USP54: variants seen among roughly 807,000 people sequenced by gnomAD.
The protein encoded by USP54 is ubiquitin specific peptidase 54.
A neutral mutation model predicts 170.5 loss-of-function variants in USP54; 87 were observed. That is an observed-to-expected ratio of 0.51 (90% CI 0.43 to 0.61). The LOEUF is 0.61. USP54 is among the 20% of genes least tolerant of loss of function. The pLI, the probability that USP54 is intolerant of heterozygous loss-of-function variation, is 0.00. For missense variants in USP54, 1,786 were observed against 2,047.8 expected, an observed-to-expected ratio of 0.87 and a Z score of 2.47; for synonymous variants, 655 against 742.8, an observed-to-expected ratio of 0.88 and a Z score of 1.92.
At chr10:73,597,803 G>A (rs889760026) in intron 1 of USP54, among the ~76,000 whole-genome samples, 1 of 152,140 alleles carries the variant, frequency 6.6e-6, no homozygotes, top group Admixed American at 6.5e-5. Context: ...TGGAAAAGGC[G>A]GCCAGGTGTG....
rs761491561 is a variant in USP54 at position 73,523,709 on chromosome 10, C to T, written c.2236G>A (p.Glu746Lys). ...SSKSELDELQ[E>K]EVARRAQEQE... ...TCCTGCGCCCTCCTGGCCACCTCTT[C>T]CTGCAATTCATCCAGTTCACTTTTA... The change falls in exon 17 of 24, where the codon GAA becomes AAA. Residue 746 changes from glutamate to lysine, a missense_variant. Physicochemically the swap from Glu to Lys is moderately conservative, Grantham distance 56. Transcript: ENST00000687698. The T allele has an allele frequency of 1.1e-5, 18 of 1,613,782 alleles. No individual in the cohort carries two copies. Among genetic ancestry groups the T allele is most frequent in the Non-Finnish European group, 1.4e-5 (16 of 1,179,834 alleles).
At chr10:73,532,308 G>A (rs998711263) in intron 12 of USP54, among the ~76,000 whole-genome samples, 1 of 152,162 alleles carries the variant, frequency 6.6e-6, no homozygotes, top group Non-Finnish European at 1.5e-5. Flanking sequence ...GAGTAGCTGG[G>A]ACTACAGACG....
At chr10:73,536,893 C>G (rs374371481) in intron 10 of USP54, among the ~76,000 whole-genome samples, 2 of 152,232 alleles carry the variant, frequency 1.3e-5, no homozygotes, top group East Asian at 3.8e-4. Context: ...AACTCTTTCA[C>G]AGACTGCCTT....
chr10:73,549,907 T>A (rs746820584), intron 4 of USP54, among the ~76,000 whole-genome samples: 2 of 152,180 alleles, frequency 1.3e-5, no homozygotes, highest in Non-Finnish European at 1.5e-5. Context: ...TAATCTGGCC[T>A]ACGATTCCAC....
rs764168573 is a variant in USP54 at position 73,517,446 on chromosome 10, C to T, written c.2980G>A (p.Ala994Thr). 4.0e-5 allele frequency: 65 copies of T among 1,614,098 alleles called. No individual in the cohort carries two copies. The highest frequency in any genetic ancestry group is 1.0e-4 in the Admixed American group (6 of 60,002). The change falls in exon 20 of 24, where the codon GCC becomes ACC. Residue 994 changes from alanine to threonine, a missense_variant. Around this residue, in one of 3 missense-constraint regions of USP54, gnomAD observed 1,418 missense variants for 1,569.0 expected, o/e 0.90. Transcript: ENST00000687698. ...GAGCCTTGCAGCTTACCCTCTGGGG[C>T]ATCCAATGGCTCCCAACTATGATGA... ...NSHHSWEPLD[A>T]PEGKLQGSRC...
In USP54 at chr10:73,545,661, G is replaced by A. The variant is rs769248647; in HGVS notation, c.252C>T (p.Asn84=). The change falls in exon 5 of 24, where the codon AAC becomes AAT. Residue 84 remains asparagine, a synonymous_variant. Transcript: ENST00000687698. ...CIFCALKGIF[N]QFQCSSEKVL... ...CTTTTTCACTACTACACTGAAACTG[G>A]TTAAAGATTCCCTATAGGGAAGAGG... 4.3e-6 allele frequency: 7 copies of A among 1,614,118 alleles called. No individual in the cohort carries two copies. Among genetic ancestry groups the A allele is most frequent in the Non-Finnish European group, 5.9e-6 (7 of 1,179,962 alleles).
At position 73,542,803 on chromosome 10, in the gene USP54, C is replaced by A. The variant is rs1442080178; in HGVS notation, c.572G>T (p.Cys191Phe). 1.3e-5 allele frequency: 21 copies of A among 1,613,492 alleles called. No individual in the cohort carries two copies. The highest frequency in any genetic ancestry group is 1.7e-5 in the Non-Finnish European group (20 of 1,179,928). Reference protein sequence around the residue: ...MVHYISTTSLCNQAICMLERR... With the variant: ...MVHYISTTSLFNQAICMLERR... ...CAACAGAAAATCTTGTAAGACTCAC[C>A]AAAGGGAAGTGGTGGAGATATAATG... Residue 191 changes from cysteine (C) to phenylalanine (F), a missense_variant and splice_region_variant, in exon 7 of 24, where the codon TGC becomes TTC. Around this residue, in one of 3 missense-constraint regions of USP54, gnomAD observed 361 missense variants for 455.0 expected, o/e 0.79. Transcript: ENST00000687698.
intron 4 of USP54, among the ~76,000 whole-genome samples, chr10:73,552,529 G>A (rs758596358): frequency 8.5e-5 from 13 of 152,152 alleles, no homozygotes; most frequent in Non-Finnish European, 1.3e-4. Flanking sequence ...GGTGGCCCAC[G>A]CCTGTGATCC....
At chr10:73,511,365 A>C (rs1323638380) in intron 20 of USP54, among the ~76,000 whole-genome samples, 2 of 151,952 alleles carry the variant, frequency 1.3e-5, no homozygotes, top group Non-Finnish European at 2.9e-5. Context: ...CATTTTTTGA[A>C]AAACTAATTT....
intron 20 of USP54, chr10:73,513,568 G>A (rs950692902): frequency 6.6e-6 from 1 of 152,068 alleles, no homozygotes; most frequent in Non-Finnish European, 1.5e-5. Context: ...AACCATTAAA[G>A]GTAGTTTTTA....
At chr10:73,569,277 C>T (rs2074513486) in intron 4 of USP54, among the ~76,000 whole-genome samples, 1 of 152,098 alleles carries the variant, frequency 6.6e-6, no homozygotes, top group African/African-American at 2.4e-5. Flanking sequence ...TCTGGACTTA[C>T]CATGGGACTA....
intron 4 of USP54, among the ~76,000 whole-genome samples, chr10:73,556,159 A>G (rs769195438): frequency 1.3e-5 from 2 of 152,104 alleles, no homozygotes; most frequent in Non-Finnish European, 2.9e-5. Context: ...GTTTATTACC[A>G]GCTAAAATTT....
At chr10:73,506,849 A>G (rs2059214238) in intron 20 of USP54, 1 of 152,158 alleles carries the variant, frequency 6.6e-6, no homozygotes, top group Admixed American at 6.5e-5. Flanking sequence ...TAAAATAAAA[A>G]ATATATTTAT....
chr10:73,528,477 C>T (rs1490588204), intron 15 of USP54, among the ~76,000 whole-genome samples: 1 of 151,724 alleles, frequency 6.6e-6, no homozygotes, highest in Admixed American at 6.6e-5. Flanking sequence ...AGGCTGGTCA[C>T]GAACTTCTGA....
Position 73,616,684 on chromosome 10 carries a change from G to A in USP54, c.-18+8883C>T, listed in dbSNP as rs368987897. On this transcript the variant is annotated intron_variant, in intron 1 of 22. Coordinates refer to the USP54 transcript ENST00000339859. ...TAAAAAAAATACAAAAATTATCTGGGCGTGGTGGCAGGTGCCTGTAATCTT... is the reference window on the plus strand; with the variant it reads ...TAAAAAAAATACAAAAATTATCTGGACGTGGTGGCAGGTGCCTGTAATCTT... Among the ~76,000 whole-genome samples the A allele has an allele frequency of 4.0e-5, 6 of 150,346 alleles. 1 individual carries two copies. Among genetic ancestry groups the A allele is most frequent in the African/African-American group, 1.3e-4 (5 of 39,724 alleles).
chr10:73,548,225 G>C (rs544389831), intron 4 of USP54, among the ~76,000 whole-genome samples: 1 of 152,248 alleles, frequency 6.6e-6, no homozygotes, highest in East Asian at 1.9e-4. Flanking sequence ...AAAAAGTCAG[G>C]AAACAACAGA....
chr10:73,569,181 T>C (rs889262880), intron 4 of USP54, among the ~76,000 whole-genome samples: 6 of 152,206 alleles, frequency 3.9e-5, no homozygotes. Context: ...ACACGTTTTT[T>C]TGTTTTTTTC....
At chr10:73,537,056 T>C (rs2065378808) in intron 10 of USP54, among the ~76,000 whole-genome samples, 1 of 152,214 alleles carries the variant, frequency 6.6e-6, no homozygotes, top group African/African-American at 2.4e-5. Flanking sequence ...ACAGAATCAA[T>C]TCAACCCAAT....
rs1295855468 is a variant in USP54, at chr10:73,527,513, A to AG, written c.2061-734_2061-733insC. ...CACTCCATCTCAAAAAAAAAAAAAA[A>AG]AAAAAGAAAACAGAAAAATTGCCTC... On this transcript the variant is annotated intron_variant, in intron 15 of 23. Transcript: ENST00000687698. 4.0e-5 allele frequency among the ~76,000 whole-genome samples: 6 copies of AG among 151,512 alleles called. No homozygotes were observed. In the East Asian group the frequency reaches 7.7e-4, roughly 20 times the overall value.
Sources: allele counts gnomAD v4.1 joint callset (sites outside exome capture counted in the v4.1 genomes callset), GRCh38; gene constraint gnomAD v4.1.1; regional missense constraint gnomAD v4.1.1; transcripts MANE v1.5; gene names NCBI Gene and HGNC (gene_info 2026-07-23, HGNC 2026-07-21).